The following CLXN variants were observed in gnomAD, a reference collection of about 807,000 sequenced individuals.
The protein encoded by CLXN is EF-hand calcium binding domain 1.
the CLXN span, chr8:48,735,123 GTCAGCTTCT>G: frequency 1.2e-6 from 2 of 1,614,142 alleles, no homozygotes. Flanking sequence ...TAAGGTGTCC[GTCAGCTTCT>G]GCAGTTTCTT....
chr8:48,730,234 G>A, the CLXN span: 2 of 307,748 alleles, frequency 6.5e-6, no homozygotes, highest in African/African-American at 4.3e-5. Context: ...TACAATTCAA[G>A]TAATGAAATC....
the CLXN span, chr8:48,735,082 A>G: frequency 1.9e-6 from 3 of 1,614,090 alleles, no homozygotes; most frequent in Non-Finnish European, 2.5e-6. Context: ...CCAGCACTAC[A>G]TTCTTACTTA....
chr8:48,728,880 C>T, the CLXN span, among the ~76,000 whole-genome samples: 1 of 151,954 alleles, frequency 6.6e-6, no homozygotes, highest in African/African-American at 2.4e-5. Context: ...CACACTAGTA[C>T]CAAGAAATGA....
chr8:48,724,655 T>C, the CLXN span: 2 of 1,057,130 alleles, frequency 1.9e-6, no homozygotes, highest in Non-Finnish European at 2.7e-6. Flanking sequence ...CAATTCAACA[T>C]CATTTTTCTG....
At chr8:48,734,908 C>A in the CLXN span, among the ~76,000 whole-genome samples, 1 of 152,148 alleles carries the variant, frequency 6.6e-6, no homozygotes, top group South Asian at 2.1e-4. Flanking sequence ...TAAGATCAAA[C>A]GCAAGGAGCT....
chr8:48,734,424 A>G, the CLXN span: 1 of 152,184 alleles, frequency 6.6e-6, no homozygotes, highest in African/African-American at 2.4e-5. Context: ...GCGAGATTAG[A>G]GCAGGTGCCT....
At chr8:48,732,096 G>A in the CLXN span, among the ~76,000 whole-genome samples, 1 of 152,124 alleles carries the variant, frequency 6.6e-6, no homozygotes, top group African/African-American at 2.4e-5. Flanking sequence ...TTTGGAGGAA[G>A]GAAATTTTTA....
the CLXN span, among the ~76,000 whole-genome samples, chr8:48,725,931 T>A: frequency 3.3e-5 from 5 of 152,090 alleles, no homozygotes; most frequent in Non-Finnish European, 7.4e-5. Flanking sequence ...AAATAGCTCC[T>A]GAGGAGATGG....
At chr8:48,724,837 C>T in the CLXN span, 8 of 1,577,172 alleles carry the variant, frequency 5.1e-6, no homozygotes, top group African/African-American at 1.4e-5. Context: ...TATAAATTTC[C>T]AAAAAAGGTA....
the CLXN span, among the ~76,000 whole-genome samples, chr8:48,729,522 C>CAA: frequency 8.3e-5 from 10 of 120,478 alleles, no homozygotes; most frequent in African/African-American, 1.5e-4. Context: ...GACCCTGTCT[C>CAA]AAAAAAAAAA....
chr8:48,727,638 G>T, the CLXN span, among the ~76,000 whole-genome samples: 1 of 152,166 alleles, frequency 6.6e-6, no homozygotes, highest in Non-Finnish European at 1.5e-5. Context: ...GATAGGACAT[G>T]TGGGTGGAGA....
chr8:48,719,003 A>G, the CLXN span, among the ~76,000 whole-genome samples: 1 of 151,988 alleles, frequency 6.6e-6, no homozygotes, highest in Non-Finnish European at 1.5e-5. Context: ...CAAAACTAAG[A>G]CTTGGTTTTT....
At chr8:48,733,391 A>G in the CLXN span, among the ~76,000 whole-genome samples, 3 of 152,226 alleles carry the variant, frequency 2.0e-5, no homozygotes, top group Admixed American at 2.0e-4. Flanking sequence ...AGAAAATTCA[A>G]GAATAGGTTT....
the CLXN span, chr8:48,734,388 G>C: frequency 6.6e-6 from 1 of 152,278 alleles, no homozygotes; most frequent in South Asian, 2.1e-4. Flanking sequence ...AGTTTCCTAT[G>C]AAATTCTAGG....
the CLXN span, chr8:48,711,131 G>C: frequency 6.6e-6 from 1 of 152,328 alleles, no homozygotes; most frequent in African/African-American, 2.4e-5. Flanking sequence ...TGTCCCAGCT[G>C]TCTATCCTTG....
At chr8:48,718,165 A>G in the CLXN span, among the ~76,000 whole-genome samples, 1 of 152,180 alleles carries the variant, frequency 6.6e-6, no homozygotes, top group Non-Finnish European at 1.5e-5. Context: ...AATGGTAACC[A>G]AAAGAAAGCA....
the CLXN span, among the ~76,000 whole-genome samples, chr8:48,718,615 A>G: frequency 3.3e-5 from 5 of 152,294 alleles, no homozygotes; most frequent in East Asian, 9.6e-4. Flanking sequence ...ATCTTTTCCA[A>G]CAGTAACAGA....
At chr8:48,727,338 C>G in the CLXN span, among the ~76,000 whole-genome samples, 1 of 152,126 alleles carries the variant, frequency 6.6e-6, no homozygotes, top group African/African-American at 2.4e-5. Flanking sequence ...TTCCTGGCCT[C>G]AGTGAGCTGA....
chr8:48,726,224 T>TCATC, the CLXN span, among the ~76,000 whole-genome samples: 220 of 128,328 alleles, frequency 1.7e-3, 5 homozygotes, highest in East Asian at 0.039. Context: ...CCCATTCACT[T>TCATC]CATCCATCCA....
Sources: gnomAD v4.1 joint callset for allele counts (sites outside exome capture counted in the v4.1 genomes callset) on GRCh38, gnomAD v4.1.1 for gene constraint, MANE v1.5 for transcripts, NCBI Gene and HGNC (gene_info 2026-07-23, HGNC 2026-07-21) for gene names.